The following MYOM1 variants were observed in gnomAD, a reference collection of about 807,000 sequenced individuals.
The protein encoded by MYOM1 is myomesin-1.
Under a neutral mutation model 205.3 loss-of-function variants are expected in MYOM1, and 164 were observed. That is an observed-to-expected ratio of 0.80 (90% CI 0.70 to 0.91). The LOEUF (loss-of-function observed/expected upper bound fraction) is 0.91. Among genes scored for constraint, MYOM1 ranks in the 40% least tolerant of loss-of-function variants. The pLI is 0.00. For missense variants in MYOM1, 2,011 were observed against 2,127.3 expected, an observed-to-expected ratio of 0.95 and a Z score of 1.08; for synonymous variants, 772 against 789.4, an observed-to-expected ratio of 0.98 and a Z score of 0.37.
At chr18:3,146,789 T>G (rs572556180) in intron 13 of MYOM1, among the ~76,000 whole-genome samples, 2 of 151,916 alleles carry the variant, frequency 1.3e-5, no homozygotes, top group Admixed American at 6.6e-5. Flanking sequence ...GAAAAAGAAA[T>G]AAAAGGTATC....
upstream of MYOM1, among the ~76,000 whole-genome samples, chr18:3,222,219 G>A (rs1164988977): frequency 2.6e-5 from 4 of 152,110 alleles, no homozygotes; most frequent in Non-Finnish European, 4.4e-5. Context: ...TACAATAATT[G>A]ATTCATATGA....
chr18:3,160,789 A>C (rs1181251582), intron 10 of MYOM1, among the ~76,000 whole-genome samples: 1 of 151,966 alleles, frequency 6.6e-6, no homozygotes, highest in Non-Finnish European at 1.5e-5. Flanking sequence ...CATTTCCTTA[A>C]TTTGTGGATT....
intron 8 of MYOM1, among the ~76,000 whole-genome samples, chr18:3,169,688 C>G (rs1179164392): frequency 2.0e-5 from 3 of 152,132 alleles, no homozygotes; most frequent in African/African-American, 7.2e-5. Flanking sequence ...AACCCTCTTA[C>G]GCTGTTGGTG....
At chr18:3,200,850 T>G (rs2081057219) in intron 2 of MYOM1, among the ~76,000 whole-genome samples, 1 of 152,118 alleles carries the variant, frequency 6.6e-6, no homozygotes, top group Admixed American at 6.5e-5. Context: ...TTCCAAAATT[T>G]GATGAAAATA....
the MYOM1 span, among the ~76,000 whole-genome samples, chr18:3,238,124 G>C: frequency 6.6e-6 from 1 of 152,004 alleles, no homozygotes; most frequent in East Asian, 1.9e-4. Flanking sequence ...GGGAGCCCTG[G>C]GCTTGTTCTC....
At chr18:3,132,012 A>T (rs2079882312) in intron 16 of MYOM1, among the ~76,000 whole-genome samples, 1 of 144,830 alleles carries the variant, frequency 6.9e-6, no homozygotes, top group Non-Finnish European at 1.5e-5. Flanking sequence ...TAGTATTAAA[A>T]TTATTAGTAT....
chr18:3,173,523 C>A (rs1056733846), intron 8 of MYOM1, among the ~76,000 whole-genome samples: 2 of 150,952 alleles, frequency 1.3e-5, no homozygotes, highest in African/African-American at 4.9e-5. Flanking sequence ...GAAGTGATGC[C>A]CATCTGGATA....
chr18:3,079,384 C>T (rs370702569), intron 33 of MYOM1, 42 bp from the exon 34 acceptor site: 7 of 1,564,736 alleles, frequency 4.5e-6, no homozygotes, highest in Non-Finnish European at 4.3e-6. Flanking sequence ...TTGCTTCCAT[C>T]CAGGGCTGAT....
chr18:3,230,322 G>A, the MYOM1 span, among the ~76,000 whole-genome samples: 6 of 152,178 alleles, frequency 3.9e-5, no homozygotes, highest in Admixed American at 3.9e-4. Flanking sequence ...ACCTAAGGCC[G>A]AATTCATGCT....
At chr18:3,092,655 A>G (rs2079241441) in intron 26 of MYOM1, among the ~76,000 whole-genome samples, 1 of 152,114 alleles carries the variant, frequency 6.6e-6, no homozygotes, top group African/African-American at 2.4e-5. Context: ...CTTTTGCTAT[A>G]TATAAAATGT....
chr18:3,111,151 A>C (rs989046101), intron 22 of MYOM1, among the ~76,000 whole-genome samples: 2 of 146,924 alleles, frequency 1.4e-5, no homozygotes, highest in Admixed American at 1.4e-4. Context: ...GGTTCTGCCA[A>C]GTTGCCCAGG....
chr18:3,106,287 T>C (rs1045758508), intron 22 of MYOM1, among the ~76,000 whole-genome samples: 25 of 152,212 alleles, frequency 1.6e-4, no homozygotes, highest in African/African-American at 6.0e-4. Context: ...AAATAAACTT[T>C]GTAAAGCATT....
chr18:3,089,386 T>G (rs762876698), intron 28 of MYOM1, 145 bp from the exon 29 acceptor site: 80 of 787,444 alleles, frequency 1.0e-4, no homozygotes, highest in Middle Eastern at 7.4e-4. Context: ...AATGTCTACA[T>G]ATTTAACAGT....
chr18:3,160,430 C>T (rs1385033384), intron 10 of MYOM1, among the ~76,000 whole-genome samples: 1 of 152,146 alleles, frequency 6.6e-6, no homozygotes, highest in South Asian at 2.1e-4. Flanking sequence ...AAGAGATCCT[C>T]CTATCTTGGC....
chr18:3,246,184 G>A, the MYOM1 span: 1 of 152,270 alleles, frequency 6.6e-6, no homozygotes. Context: ...GGCGGAGCTG[G>A]TGCTCTCGTG....
chr18:3,193,484 G>C (rs116165894), intron 3 of MYOM1, among the ~76,000 whole-genome samples: 1,607 of 151,832 alleles, frequency 0.011, 25 homozygotes, highest in African/African-American at 0.037. Flanking sequence ...TCCCATTCCA[G>C]CTAGTTTTAT....
chr18:3,106,658 CA>C (rs374330574), intron 22 of MYOM1, among the ~76,000 whole-genome samples: 1 of 151,898 alleles, frequency 6.6e-6, no homozygotes, highest in Non-Finnish European at 1.5e-5. Context: ...TCTGTATCTA[CA>C]AAAAAAATTT....
intron 2 of MYOM1, among the ~76,000 whole-genome samples, chr18:3,199,119 T>TA (rs2081032409): frequency 6.6e-6 from 1 of 152,156 alleles, no homozygotes; most frequent in Non-Finnish European, 1.5e-5. Context: ...TCCCATCCCT[T>TA]ACCCCCAGCT....
intron 2 of MYOM1, among the ~76,000 whole-genome samples, chr18:3,211,700 T>C (rs2081192303): frequency 6.6e-6 from 1 of 152,236 alleles, no homozygotes. Context: ...ATTTACTTTA[T>C]AGCTCGTGGC....
Sources: gnomAD v4.1 joint callset for allele counts (sites outside exome capture counted in the v4.1 genomes callset) on GRCh38, gnomAD v4.1.1 for gene constraint, MANE v1.5 for transcripts, NCBI Gene and HGNC (gene_info 2026-07-23, HGNC 2026-07-21) for gene names.